The following KIF9 variants were observed in gnomAD, a reference collection of about 807,000 sequenced individuals.
KIF9 encodes kinesin family member 9.
A neutral mutation model predicts 94.8 loss-of-function variants in KIF9; 68 were observed. The observed-to-expected ratio is 0.72, with a 90% CI of 0.59 to 0.88. KIF9 has a LOEUF of 0.88. Among genes scored for constraint, KIF9 ranks in the 40% least tolerant of loss-of-function variants. KIF9 has a pLI of 0.00. For synonymous variants in KIF9, 343 were observed against 362.1 expected, an observed-to-expected ratio of 0.95 and a Z score of 0.60; for missense variants, 882 against 982.5, an observed-to-expected ratio of 0.90 and a Z score of 1.37.
At chr3:47,250,690 G>A in intron 10 of KIF9, 2 of 303,730 alleles carry the variant, frequency 6.6e-6, no homozygotes, top group Non-Finnish European at 1.4e-5. Flanking sequence ...TACCATCTGA[G>A]TGTCTTCCCT....
intron 3 of KIF9, 60 bp from the exon 4 acceptor site, chr3:47,273,718 C>T (rs1201581968): frequency 6.9e-6 from 10 of 1,453,314 alleles, no homozygotes; most frequent in Non-Finnish European, 8.5e-6. Context: ...TAACTCTCCC[C>T]TCTCCCAGCA....
intron 8 of KIF9, among the ~76,000 whole-genome samples, chr3:47,264,911 CTCTT>C (rs1423011900): frequency 6.6e-6 from 1 of 152,240 alleles, no homozygotes; most frequent in Non-Finnish European, 1.5e-5. Context: ...CCAGAACCCT[CTCTT>C]TCTTTCCATG....
chr3:47,245,706 A>G, intron 13 of KIF9, 195 bp from the exon 14 acceptor site: 1 of 576,810 alleles, frequency 1.7e-6, no homozygotes, highest in Admixed American at 3.0e-5. Flanking sequence ...CCACTGTCCG[A>G]CCCCCATACC....
chr3:47,236,134 T>C lies in KIF9; in HGVS notation c.2117A>G (p.Tyr706Cys). The change falls in exon 19 of 21, where the codon TAC (tyrosine) becomes TGC (cysteine). Residue 706 changes from tyrosine to cysteine, a missense_variant. Physicochemically the swap from Tyr to Cys is radical, Grantham distance 194. Coordinates refer to ENST00000684063, the MANE Select transcript of KIF9 (RefSeq NM_182902.4). ...CTCAGGGATGACAAAGGACTCATTG[T>C]ACCAGATGTCAAATTCTACAAGGAG... is the stretch of plus-strand genomic sequence containing the variant. ...HRLLMEFDIWYNESFVIPEDM... is the reference protein window; with the variant it reads ...HRLLMEFDIWCNESFVIPEDM... The C allele has an allele frequency of 6.2e-7, 1 of 1,613,694 alleles. No homozygotes were observed. The highest frequency in any genetic ancestry group is 8.5e-7 in the Non-Finnish European group (1 of 1,179,582).
chr3:47,235,408 G>A (rs954130191), intron 20 of KIF9, 105 bp downstream of exon 20: 3 of 810,024 alleles, frequency 3.7e-6, no homozygotes, highest in African/African-American at 1.7e-5. Flanking sequence ...AATCTCCTTG[G>A]AATGGTGCCA....
At chr3:47,255,970 C>T (rs1700555722) in intron 10 of KIF9, among the ~76,000 whole-genome samples, 1 of 151,816 alleles carries the variant, frequency 6.6e-6, no homozygotes, top group Non-Finnish European at 1.5e-5. Flanking sequence ...CTGTGTTGGC[C>T]GGGCTGGTCT....
intron 17 of KIF9, chr3:47,239,712 C>A: frequency 8.3e-7 from 1 of 1,209,228 alleles, no homozygotes; most frequent in East Asian, 5.7e-5. Flanking sequence ...CTCAGCCTCC[C>A]AAGATGCTAG....
chr3:47,280,445 G>A (rs562517934), intron 1 of KIF9, among the ~76,000 whole-genome samples: 7 of 152,372 alleles, frequency 4.6e-5, no homozygotes, highest in East Asian at 1.9e-4. Flanking sequence ...GGTGGCTCAC[G>A]CCTGTAATCC....
chr3:47,251,547 G>C (rs1013079933), intron 10 of KIF9, among the ~76,000 whole-genome samples: 3 of 152,168 alleles, frequency 2.0e-5, no homozygotes, highest in Admixed American at 1.3e-4. Context: ...CTGGGCAACA[G>C]AGTGAGACCC....
chr3:47,265,694 G>A, intron 8 of KIF9, 36 bp downstream of exon 8: 1 of 1,607,626 alleles, frequency 6.2e-7, no homozygotes, highest in Non-Finnish European at 8.5e-7. Context: ...CAAAGACACA[G>A]ACCCTCCTCC....
At position 47,265,805 on chromosome 3, in the gene KIF9, C is replaced by CCTGCTCCAGGAATGAGAGG; in HGVS notation, c.840_841insCCTCTCATTCCTGGAGCAG (p.Ala281ProfsTer69). 6.2e-7 allele frequency: 1 copy of CCTGCTCCAGGAATGAGAGG among 1,614,168 alleles called. No individual in the cohort carries two copies. Among genetic ancestry groups the CCTGCTCCAGGAATGAGAGG allele is most frequent in the Non-Finnish European group, 8.5e-7 (1 of 1,180,020 alleles). On this transcript the variant is annotated frameshift_variant, in exon 8 of 21. Transcript: ENST00000684063. LOFTEE classifies it high-confidence loss of function. Reference sequence around the variant, plus strand: ...TGGTCCCGCTTCTGGTCCCCAAGGGCAATGATGGCCTGCTCCAGGAATGAG... The same window carrying CCTGCTCCAGGAATGAGAGG: ...TGGTCCCGCTTCTGGTCCCCAAGGGCCTGCTCCAGGAATGAGAGGAATGATGGCCTGCTCCAGGAATGAG...
In KIF9 at chr3:47,282,619, G is replaced by C; in HGVS notation, c.-130C>G. On this transcript the variant is annotated 5_prime_UTR_variant, in exon 1 of 21. Transcript: ENST00000684063. ...GCAACGGGTCGCTTCCGGGGATTCCGGAAGTGTCGGGGTGGCGGAAATGAA... is the reference window on the plus strand; with the variant it reads ...GCAACGGGTCGCTTCCGGGGATTCCCGAAGTGTCGGGGTGGCGGAAATGAA... 1 of 1,125,028 alleles carries C rather than the reference G, an allele frequency of 8.9e-7. No homozygotes were observed. The highest frequency in any genetic ancestry group is 2.4e-5 in the South Asian group (1 of 41,122). 69.7% of individuals were successfully genotyped at this position (1,125,028 alleles called of 1,614,324 possible).
At chr3:47,279,849 C>T (rs1165231823) in intron 1 of KIF9, among the ~76,000 whole-genome samples, 2 of 152,106 alleles carry the variant, frequency 1.3e-5, no homozygotes, top group Non-Finnish European at 2.9e-5. Flanking sequence ...GATCTCCTGA[C>T]CTCGTGATCT....
In KIF9 at chr3:47,257,524, C is replaced by T; in HGVS notation, c.1018G>A (p.Val340Ile). 1 of 1,613,986 alleles carries T rather than the reference C, an allele frequency of 6.2e-7. No homozygotes were observed. Residue 340 changes from valine (V) to isoleucine (I), a missense_variant, in exon 10 of 21, where the codon GTC becomes ATC. Physicochemically the swap from Val to Ile is conservative, Grantham distance 29. Transcript: ENST00000684063. ...TCATTGATGGCAGGCTCAGTGGTGA[C>T]TAGCTTCATCCTGCTGGCAAATCTC... ...SLRFASRMKL[V>I]TTEPAINEKY...
At chr3:47,239,967 C>T (rs1259809396) in intron 17 of KIF9, 1 of 1,356,378 alleles carries the variant, frequency 7.4e-7, no homozygotes, top group Non-Finnish European at 9.9e-7. Context: ...AGTGTGGCCT[C>T]TGAACCACCT....
chr3:47,261,958 T>C (rs1701002094), intron 9 of KIF9, among the ~76,000 whole-genome samples: 1 of 152,180 alleles, frequency 6.6e-6, no homozygotes. Context: ...GTTTTAAAGT[T>C]TCAACACATT....
chr3:47,257,506 T>C lies in KIF9; in HGVS notation c.1036A>G (p.Ile346Val). The change falls in exon 10 of 21, where the codon ATC becomes GTC. Residue 346 changes from isoleucine (I) to valine (V), a missense_variant. Coordinates refer to ENST00000684063, the MANE Select transcript of KIF9 (RefSeq NM_182902.4). The part of the protein sequence containing the change: ...RMKLVTTEPA[I>V]NEKYDAERMV... ...ACCTCAGCATCATACTTTTCATTGATGGCAGGCTCAGTGGTGACTAGCTTC... is the reference window on the plus strand; with the variant it reads ...ACCTCAGCATCATACTTTTCATTGACGGCAGGCTCAGTGGTGACTAGCTTC... The C allele has an allele frequency of 3.7e-6, 6 of 1,614,064 alleles. No homozygotes were observed. The highest frequency in any genetic ancestry group is 4.2e-6 in the Non-Finnish European group (5 of 1,179,990).
At chr3:47,273,924 A>G (rs1016157063) in intron 3 of KIF9, among the ~76,000 whole-genome samples, 2 of 152,280 alleles carry the variant, frequency 1.3e-5, no homozygotes, top group Non-Finnish European at 2.9e-5. Flanking sequence ...ATCCGGCCCT[A>G]GGGCTTCTGA....
rs371428777 is a variant in KIF9, at chr3:47,257,578, T to C, written c.982-18A>G. On this transcript the variant is annotated intron_variant, in intron 9 of 20. Coordinates refer to ENST00000684063, the MANE Select transcript of KIF9 (RefSeq NM_182902.4). ...GAAGATAGCTGCAAAACAGAGCAGG[T>C]AGACATTAGATGGCTCGCCACTAAA... The C allele has an allele frequency of 3.0e-5, 48 of 1,609,970 alleles. No homozygotes were observed. Among genetic ancestry groups the C allele is most frequent in the African/African-American group, 2.1e-4 (16 of 74,876 alleles).
Sources: gnomAD v4.1 joint callset for allele counts (sites outside exome capture counted in the v4.1 genomes callset) on GRCh38, gnomAD v4.1.1 for gene constraint, MANE v1.5 for transcripts, NCBI Gene and HGNC (gene_info 2026-07-23, HGNC 2026-07-21) for gene names.